Variants in IGF1 observed in about 807,000 individuals in gnomAD.
IGF1 encodes insulin-like growth factor 1.
In IGF1, 4 loss-of-function variants were observed where a neutral mutation model predicts 13.8. The ratio of observed to expected loss-of-function variants is 0.29; its 90% confidence interval spans 0.14 to 0.66. The LOEUF is 0.66. IGF1 is among the 30% of genes least tolerant of loss of function. The pLI is 0.78. For missense variants in IGF1, 124 were observed against 188.5 expected, an observed-to-expected ratio of 0.66 and a Z score of 2.00; for synonymous variants, 76 against 72.6, an observed-to-expected ratio of 1.05 and a Z score of -0.23.
intron 2 of IGF1, among the ~76,000 whole-genome samples, chr12:102,426,077 G>A (rs1379960538): frequency 6.6e-6 from 1 of 152,162 alleles, no homozygotes; most frequent in East Asian, 1.9e-4. Context: ...TATATTGTTT[G>A]TATTATTTAG....
At position 102,402,356 on chromosome 12, in the gene IGF1, T is replaced by G; in HGVS notation, c.*151A>C. 1 of 747,852 alleles carries G rather than the reference T, an allele frequency of 1.3e-6. No homozygotes were observed. Among genetic ancestry groups the G allele is most frequent in the East Asian group, 2.5e-5 (1 of 40,492 alleles). The allele number at this position is 747,852 out of a possible 1,614,324, so 46.3% of individuals were successfully genotyped here. ...CACTCCTAAAGACAATGTTGGAATG[T>G]TTACTTGTGTATTTCATTGGGGGAA... On this transcript the variant is annotated 3_prime_UTR_variant, in exon 4 of 4. Transcript: ENST00000337514.
Position 102,399,189 on chromosome 12 carries a change from G to C in IGF1, c.*3318C>G, listed in dbSNP as rs1873482351. 1 of 151,110 alleles carries C rather than the reference G, an allele frequency of 6.6e-6. No homozygotes were observed. The highest frequency in any genetic ancestry group is 6.6e-5 in the Admixed American group (1 of 15,096). The allele number at this position is 151,110 out of a possible 1,614,324, so 9.4% of individuals were successfully genotyped here. On this transcript the variant is annotated 3_prime_UTR_variant, in exon 4 of 4. Coordinates refer to ENST00000337514, the MANE Select transcript of IGF1 (RefSeq NM_000618.5). Reference sequence around the variant, plus strand: ...GTGTTAAGAGATTTTCATATCCCTAGAAGAGTGGATTCTGATGGAGAGCTG... The same window carrying C: ...GTGTTAAGAGATTTTCATATCCCTACAAGAGTGGATTCTGATGGAGAGCTG...
At chr12:102,458,385 A>T (rs1001285506) in intron 2 of IGF1, among the ~76,000 whole-genome samples, 6 of 152,138 alleles carry the variant, frequency 3.9e-5, no homozygotes, top group Non-Finnish European at 8.8e-5. Context: ...TAATCTGGAG[A>T]TCACAGCCAG....
intron 2 of IGF1, among the ~76,000 whole-genome samples, chr12:102,449,446 T>C (rs922244441): frequency 3.9e-5 from 6 of 151,930 alleles, no homozygotes; most frequent in African/African-American, 1.5e-4. Flanking sequence ...CTAATGTAGG[T>C]GACGGCTTGA....
intron 3 of IGF1, chr12:102,417,581 T>C: frequency 8.1e-7 from 1 of 1,232,672 alleles, no homozygotes; most frequent in Non-Finnish European, 1.0e-6. Flanking sequence ...ATTTTTTTTT[T>C]TCATTTTTGC....
intron 2 of IGF1, among the ~76,000 whole-genome samples, chr12:102,441,958 T>TTCTTCCTCTTCTTCTTC: frequency 2.4e-5 from 1 of 41,192 alleles, no homozygotes; most frequent in East Asian, 7.6e-4. Context: ...TCTTCTTCTT[T>TTCTTCCTCTTCTTCTTC]TTTTTTTTTG....
At chr12:102,445,532 CTGTT>C (rs554467275) in intron 2 of IGF1, among the ~76,000 whole-genome samples, 3 of 152,130 alleles carry the variant, frequency 2.0e-5, no homozygotes, top group Admixed American at 1.3e-4. Flanking sequence ...ATTTGGCTCT[CTGTT>C]TGTCTGTTAT....
At chr12:102,466,821 A>G (rs1380421414) in intron 2 of IGF1, among the ~76,000 whole-genome samples, 1 of 152,092 alleles carries the variant, frequency 6.6e-6, no homozygotes, top group African/African-American at 2.4e-5. Context: ...TAGGAGGATC[A>G]CTTGAGCCTG....
At chr12:102,466,410 C>T (rs931266620) in intron 2 of IGF1, among the ~76,000 whole-genome samples, 2 of 152,086 alleles carry the variant, frequency 1.3e-5, no homozygotes, top group East Asian at 1.9e-4. Flanking sequence ...TCTTGATGGT[C>T]GTGACTGGGA....
intron 3 of IGF1, among the ~76,000 whole-genome samples, chr12:102,413,992 G>C (rs185058369): frequency 6.6e-6 from 1 of 152,224 alleles, no homozygotes; most frequent in Admixed American, 6.5e-5. Context: ...GGCAAGCTTG[G>C]GCTTGAAGTT....
chr12:102,428,427 G>T (rs1307697097), intron 2 of IGF1, among the ~76,000 whole-genome samples: 1 of 151,786 alleles, frequency 6.6e-6, no homozygotes, highest in African/African-American at 2.4e-5. Flanking sequence ...TGTCTAATTT[G>T]GAGTTGGGCT....
intron 2 of IGF1, among the ~76,000 whole-genome samples, chr12:102,445,574 C>T (rs1165129410): frequency 6.6e-6 from 1 of 152,138 alleles, no homozygotes; most frequent in Non-Finnish European, 1.5e-5. Flanking sequence ...TGTGATTTTT[C>T]CACATTGATT....
intron 2 of IGF1, among the ~76,000 whole-genome samples, chr12:102,434,349 A>T (rs1162868019): frequency 1.5e-5 from 2 of 137,400 alleles, no homozygotes; most frequent in South Asian, 2.3e-4. Flanking sequence ...CCTTCCTGTG[A>T]CCATGTGATC....
chr12:102,459,786 C>A (rs964961674), intron 2 of IGF1, among the ~76,000 whole-genome samples: 2 of 152,144 alleles, frequency 1.3e-5, no homozygotes, highest in African/African-American at 4.8e-5. Flanking sequence ...TCTAGCTCAG[C>A]TGTACCCTTG....
chr12:102,447,291 TGTCTC>T (rs1385923843), intron 2 of IGF1, among the ~76,000 whole-genome samples: 1 of 152,244 alleles, frequency 6.6e-6, no homozygotes, highest in Non-Finnish European at 1.5e-5. Context: ...GCTAATTTTC[TGTCTC>T]GTTGATCTGC....
intron 2 of IGF1, among the ~76,000 whole-genome samples, chr12:102,437,754 A>C (rs1877371057): frequency 6.6e-6 from 1 of 152,226 alleles, no homozygotes; most frequent in Non-Finnish European, 1.5e-5. Context: ...ATTTCAAAAT[A>C]GCTAAAAAAG....
At chr12:102,445,593 T>C (rs1181912776) in intron 2 of IGF1, among the ~76,000 whole-genome samples, 3 of 152,272 alleles carry the variant, frequency 2.0e-5, no homozygotes, top group Non-Finnish European at 4.4e-5. Context: ...TTTTGCATCC[T>C]GAGACTTTGC....
At chr12:102,434,420 A>G (rs1223321733) in intron 2 of IGF1, among the ~76,000 whole-genome samples, 2 of 150,924 alleles carry the variant, frequency 1.3e-5, no homozygotes, top group Admixed American at 6.6e-5. Context: ...TGTCCCTGCG[A>G]TAGTTTACTG....
intron 2 of IGF1, among the ~76,000 whole-genome samples, chr12:102,466,365 C>T (rs972615862): frequency 1.3e-5 from 2 of 152,090 alleles, no homozygotes; most frequent in African/African-American, 4.8e-5. Context: ...GGTGATTTTG[C>T]CCCCAGGGGT....
Sources: allele counts gnomAD v4.1 joint callset (sites outside exome capture counted in the v4.1 genomes callset), GRCh38; gene constraint gnomAD v4.1.1; transcripts MANE v1.5; gene names NCBI Gene and HGNC (gene_info 2026-07-23, HGNC 2026-07-21).